The following CLSPN variants were observed in gnomAD, a reference collection of about 807,000 sequenced individuals.
The protein encoded by CLSPN is claspin homolog.
CLSPN carries 85 observed loss-of-function variants against 156.3 expected under a neutral mutation model. The ratio of observed to expected loss-of-function variants is 0.54; its 90% CI spans 0.46 to 0.65. The LOEUF (loss-of-function observed/expected upper bound fraction) is 0.65. CLSPN is among the 30% of genes least tolerant of loss of function. CLSPN has a pLI of 0.00. For synonymous variants in CLSPN, 534 were observed against 542.4 expected (o/e 0.98, Z 0.22); for missense variants, 1,407 against 1,554.9 (o/e 0.90, Z 1.60).
chr1:35,749,510 T>A lies in CLSPN; in HGVS notation c.2229A>T (p.Lys743Asn), dbSNP rs756765966. The A allele has an allele frequency of 1.9e-6, 3 of 1,613,986 alleles. No individual in the cohort carries two copies. In the East Asian group the frequency reaches 6.7e-5, roughly 36 times the overall value. The change falls in exon 12 of 25, where the codon AAA (lysine) becomes AAT (asparagine). Residue 743 changes from lysine (K) to asparagine (N), a missense_variant. By Grantham distance (94) the Lys-to-Asn change is moderately conservative (BLOSUM62 0). Transcript: ENST00000318121. ...SKMGYFPTEEKSETDENSGKQ... is the reference protein window; with the variant it reads ...SKMGYFPTEENSETDENSGKQ... The stretch of plus-strand genomic sequence containing the variant: ...TGCCTGAGTTTTCATCTGTTTCTGA[T>A]TTTTCTTCAGTAGGAAAGTAACTGC...
intron 8 of CLSPN, among the ~76,000 whole-genome samples, chr1:35,758,392 C>T (rs990543121): frequency 2.0e-5 from 3 of 152,108 alleles, no homozygotes; most frequent in Non-Finnish European, 2.9e-5. Flanking sequence ...CACCTGTAAT[C>T]CCAGCACTTT....
Position 35,745,482 on chromosome 1 carries a change from CA to C in CLSPN, c.2934del (p.Ala979LeufsTer60). 6.2e-7 allele frequency: 1 copy of C among 1,613,834 alleles called. No individual in the cohort carries two copies. Among genetic ancestry groups the C allele is most frequent in the Non-Finnish European group, 8.5e-7 (1 of 1,179,818 alleles). On this transcript the variant is annotated frameshift_variant, in exon 16 of 25. Coordinates refer to ENST00000318121, the MANE Select transcript of CLSPN (RefSeq NM_022111.4). LOFTEE classifies it high-confidence loss of function. ...SSMGDPMEEA[L>X]ALCSGSFPTD... is the part of the protein sequence containing the mutation. ...GTGGGAAAAGAGCCTGAGCAAAGAG[CA>C]AGTGCTTCTTCCATTGGATCACCCA...
intron 22 of CLSPN, 103 bp from the exon 23 acceptor site, chr1:35,737,524 A>C: frequency 1.2e-6 from 1 of 858,468 alleles, no homozygotes; most frequent in Non-Finnish European, 1.9e-6. Flanking sequence ...AATATGCTAA[A>C]GCCATGGGAA....
rs1372054166 is a variant in CLSPN at position 35,736,357 on chromosome 1, C to A, written c.*139G>T. 23 of 1,372,204 alleles carry A rather than the reference C, an allele frequency of 1.7e-5. No individual in the cohort carries two copies. The highest frequency in any genetic ancestry group is 2.1e-5 in the Non-Finnish European group (22 of 1,062,998). 85.0% of individuals were successfully genotyped at this position (1,372,204 alleles called of 1,614,324 possible). A position where few individuals can be genotyped will look rare whatever the true frequency, so the allele number is the denominator to read the frequency against. ...ATGTCCAGAGCTGTGCAGTAGAAAT[C>A]ACTGGAATTTCTGTCTGCAATCTTA... is the stretch of plus-strand genomic sequence containing the variant. On this transcript the variant is annotated 3_prime_UTR_variant, in exon 25 of 25. Coordinates refer to ENST00000318121, the MANE Select transcript of CLSPN (RefSeq NM_022111.4).
intron 18 of CLSPN, among the ~76,000 whole-genome samples, chr1:35,742,334 G>A (rs951932807): frequency 1.2e-4 from 18 of 152,114 alleles, no homozygotes; most frequent in Non-Finnish European, 5.9e-5. Context: ...TCCTTCAACT[G>A]TAAAATGAGG....
chr1:35,769,116 T>C (rs912337205), intron 1 of CLSPN, among the ~76,000 whole-genome samples: 2 of 152,200 alleles, frequency 1.3e-5, no homozygotes, highest in Non-Finnish European at 2.9e-5. Context: ...TATCAAATCA[T>C]AAAAAGTTTT....
In CLSPN at chr1:35,738,048, T is replaced by C; in HGVS notation, c.3608A>G (p.Asp1203Gly). Residue 1203 changes from aspartate (D) to glycine (G), a missense_variant, in exon 22 of 25, where the codon GAC becomes GGC. Coordinates refer to ENST00000318121, the MANE Select transcript of CLSPN (RefSeq NM_022111.4). ...TAEEEEEIGE[D>G]SQFMILAKKV... is the part of the protein sequence containing the mutation. The stretch of plus-strand genomic sequence containing the variant: ...CTTGGCCAGTATCATAAACTGACTG[T>C]CCTCCCCAATTTCTTCTTCTTCTTC... The C allele has an allele frequency of 6.8e-7, 1 of 1,466,330 alleles. No homozygotes were observed. Among genetic ancestry groups the C allele is most frequent in the South Asian group, 1.6e-5 (1 of 62,998 alleles). 90.8% of individuals were successfully genotyped at this position (1,466,330 alleles called of 1,614,324 possible). A position where few individuals can be genotyped will look rare whatever the true frequency, so the allele number is the denominator to read the frequency against.
At position 35,733,126 on chromosome 1, in the gene CLSPN, C is replaced by G. The variant is rs1467121776; in HGVS notation, c.*3370G>C. ...ACTACAGGCACCTGCCACCACCAAG[C>G]CTGGCTGATTTTTGTATTTTTAGTA... On this transcript the variant is annotated 3_prime_UTR_variant, in exon 25 of 25. Transcript: ENST00000318121. 4.5e-6 allele frequency: 1 copy of G among 219,842 alleles called. No individual in the cohort carries two copies. Among genetic ancestry groups the G allele is most frequent in the East Asian group, 1.8e-4 (1 of 5,436 alleles). The allele number at this position is 219,842 out of a possible 1,614,324, so 13.6% of individuals were successfully genotyped here.
chr1:35,728,130 C>A (rs921974454), downstream of CLSPN, among the ~76,000 whole-genome samples: 3 of 136,466 alleles, frequency 2.2e-5, no homozygotes, highest in South Asian at 7.1e-4. Flanking sequence ...GTCACCCAGA[C>A]TGGAATGCAA....
rs756269407 is a variant in CLSPN at position 35,748,027 on chromosome 1, A to G, written c.2507T>C (p.Ile836Thr). ...GTTATACAGATCCTGGGAATCCTCT[A>G]TGGGAAGTGAAGGCTCAGACAGTTT... ...SGKLSEPSLPIEDSQDLYNAS... is the reference protein window; with the variant it reads ...SGKLSEPSLPTEDSQDLYNAS... The change falls in exon 14 of 25, where the codon ATA becomes ACA. Residue 836 changes from isoleucine (I) to threonine (T), a missense_variant. Physicochemically the swap from Ile to Thr is moderately conservative, Grantham distance 89. Coordinates refer to ENST00000318121, the MANE Select transcript of CLSPN (RefSeq NM_022111.4). 3 of 1,613,790 alleles carry G rather than the reference A, an allele frequency of 1.9e-6. No homozygotes were observed. The highest frequency in any genetic ancestry group is 1.1e-5 in the South Asian group (1 of 91,010).
downstream of CLSPN, among the ~76,000 whole-genome samples, chr1:35,728,593 T>C (rs1045421832): frequency 6.8e-4 from 104 of 152,152 alleles, no homozygotes; most frequent in Middle Eastern, 3.4e-3. Context: ...TTTGGAACAA[T>C]AACATTGAAG....
At chr1:35,739,663 G>A (rs2148613959) in intron 18 of CLSPN, 134 bp from the exon 19 acceptor site, 1 of 623,224 alleles carries the variant, frequency 1.6e-6, no homozygotes, top group East Asian at 3.0e-5. Context: ...AAATTTTTTT[G>A]TAATAGTCTC....
chr1:35,727,552 AGGT>A (rs1641220798), downstream of CLSPN, among the ~76,000 whole-genome samples: 1 of 152,354 alleles, frequency 6.6e-6, no homozygotes, highest in Admixed American at 6.5e-5. Flanking sequence ...AAGGAACAGC[AGGT>A]TTAGATCATG....
At chr1:35,731,748 A>G (rs761953942), downstream of CLSPN, among the ~76,000 whole-genome samples, 50 of 152,212 alleles carry the variant, frequency 3.3e-4, no homozygotes, top group Admixed American at 6.5e-4. Flanking sequence ...AGAACAGGTC[A>G]AGAATGCTCT....
At position 35,764,584 on chromosome 1, in the gene CLSPN, A is replaced by C; in HGVS notation, c.264T>G (p.Asn88Lys). The stretch of plus-strand genomic sequence containing the variant: ...TTTTCCCAGCATATAAATTCTCTTT[A>C]TTTTCCTCCTCGGCACTGTCATAGG... ...KTTYDSAEEE[N>K]KENLYAGKNT... Residue 88 changes from asparagine to lysine, a missense_variant, in exon 3 of 25, where the codon AAT becomes AAG. Around this residue, in one of 3 missense-constraint regions of CLSPN, gnomAD observed 1,096 missense variants for 1,193.0 expected, o/e 0.92. Transcript: ENST00000318121. The C allele has an allele frequency of 6.2e-7, 1 of 1,613,722 alleles. No individual in the cohort carries two copies. Among genetic ancestry groups the C allele is most frequent in the Non-Finnish European group, 8.5e-7 (1 of 1,179,892 alleles).
At chr1:35,761,655 GGAT>G (rs930973409) in intron 6 of CLSPN, among the ~76,000 whole-genome samples, 3 of 151,956 alleles carry the variant, frequency 2.0e-5, no homozygotes, top group African/African-American at 7.3e-5. Context: ...CTGGACAAAG[GGAT>G]GATATTTTTA....
In CLSPN at chr1:35,751,237, A is replaced by T; in HGVS notation, c.2028+13T>A. On this transcript the variant is annotated intron_variant, in intron 10 of 24. Transcript: ENST00000318121. ...CCATGACAAGGTAACAAAACAACGTAATTGCCAGAAACCTCCTGATTTCCT... is the reference window on the plus strand; with the variant it reads ...CCATGACAAGGTAACAAAACAACGTTATTGCCAGAAACCTCCTGATTTCCT... 1 of 1,595,294 alleles carries T rather than the reference A, an allele frequency of 6.3e-7. No individual in the cohort carries two copies.
At position 35,735,220 on chromosome 1, in the gene CLSPN, C is replaced by CT. The variant is rs1019418659; in HGVS notation, c.*1275dup. The CT allele has an allele frequency of 2.0e-6, 2 of 985,236 alleles. No individual in the cohort carries two copies. The highest frequency in any genetic ancestry group is 3.5e-5 in the African/African-American group (2 of 57,178). The allele number at this position is 985,236 out of a possible 1,614,324, so 61.0% of individuals were successfully genotyped here. On this transcript the variant is annotated 3_prime_UTR_variant, in exon 25 of 25. Transcript: ENST00000318121. ...TGGTGGACAAACACTGGGTGTAACA[C>CT]TTTATCTTCATCCCCAAGCCCCAGA...
chr1:35,763,122 C>G (rs925731571), intron 4 of CLSPN, 38 bp downstream of exon 4: 1 of 1,445,686 alleles, frequency 6.9e-7, no homozygotes. Context: ...AGGTCAGAAG[C>G]AGTTGATTAA....
Sources: gnomAD v4.1 joint callset for allele counts (sites outside exome capture counted in the v4.1 genomes callset) on GRCh38, gnomAD v4.1.1 for gene constraint, gnomAD v4.1.1 regional missense constraint, MANE v1.5 for transcripts, NCBI Gene and HGNC (gene_info 2026-07-23, HGNC 2026-07-21) for gene names.